LAMP1: variants seen among roughly 807,000 people sequenced by gnomAD.
LAMP1 encodes the protein lysosome associated membrane protein 1.
Under a neutral mutation model 37.5 loss-of-function variants are expected in LAMP1, and 7 were observed. The ratio of observed to expected loss-of-function variants is 0.19; its 90% CI spans 0.11 to 0.35. The LOEUF (loss-of-function observed/expected upper bound fraction) is 0.35, where lower values mean the gene tolerates loss of function less well. Among genes scored for constraint, LAMP1 ranks in the 10% least tolerant of loss-of-function variants. LAMP1 has a pLI of 1.00. For missense variants in LAMP1, 537 were observed against 552.8 expected, an observed-to-expected ratio of 0.97 and a Z score of 0.29; for synonymous variants, 236 against 229.1, an observed-to-expected ratio of 1.03 and a Z score of -0.27.
chr13:113,303,404 A>G (rs1050065357), intron 1 of LAMP1, among the ~76,000 whole-genome samples: 1 of 152,186 alleles, frequency 6.6e-6, no homozygotes, highest in Non-Finnish European at 1.5e-5. Context: ...ACTGCCGGAG[A>G]TAGCAGTCAC....
chr13:113,311,406 T>C (rs2042630446), intron 4 of LAMP1, among the ~76,000 whole-genome samples: 2 of 152,218 alleles, frequency 1.3e-5, no homozygotes, highest in Admixed American at 6.5e-5. Context: ...CGTATACAAT[T>C]ATTACTTGAA....
At chr13:113,317,831 G>A (rs993808660) in intron 4 of LAMP1, among the ~76,000 whole-genome samples, 1 of 152,004 alleles carries the variant, frequency 6.6e-6, no homozygotes, top group African/African-American at 2.4e-5. Context: ...GGACTAAGGC[G>A]CATGCCACCA....
intron 1 of LAMP1, among the ~76,000 whole-genome samples, chr13:113,300,501 A>G (rs1173556098): frequency 2.4e-4 from 36 of 150,252 alleles, no homozygotes; most frequent in Admixed American, 9.9e-4. Flanking sequence ...AAAAAAAAAA[A>G]AAAAGAAAAA....
chr13:113,317,219 C>G (rs1166946069), intron 4 of LAMP1, among the ~76,000 whole-genome samples: 1 of 152,144 alleles, frequency 6.6e-6, no homozygotes, highest in Non-Finnish European at 1.5e-5. Context: ...CCTCAGGTCT[C>G]CCCAGAGGCT....
chr13:113,315,502 C>T (rs2042658418), intron 4 of LAMP1, among the ~76,000 whole-genome samples: 1 of 147,512 alleles, frequency 6.8e-6, no homozygotes. Flanking sequence ...CGATTCTCCT[C>T]CCTCAGCCTC....
At chr13:113,313,982 T>C (rs1356525079) in intron 4 of LAMP1, among the ~76,000 whole-genome samples, 9 of 101,388 alleles carry the variant, frequency 8.9e-5, no homozygotes, top group South Asian at 3.8e-4. Context: ...CGTGGCCTCC[T>C]GGAGGGAACC....
chr13:113,321,211 A>C lies in LAMP1; in HGVS notation c.877-193A>C, dbSNP rs1271428752. On this transcript the variant is annotated intron_variant, in intron 6 of 8. Coordinates refer to ENST00000332556, the MANE Select transcript of LAMP1 (RefSeq NM_005561.4). This position sits in a 1 kb window ranked among gnomAD's most constrained non-coding sequence, Gnocchi z 5.6. The stretch of plus-strand genomic sequence containing the variant: ...CTGGAAGGAACTAACCAAAATTTTC[A>C]TTCCCCAGAGATACACAACGCCTTT... The C allele has an allele frequency of 1.7e-6, 1 of 595,130 alleles. No homozygotes were observed. 36.9% of individuals were successfully genotyped at this position (595,130 alleles called of 1,614,324 possible).
rs777432410 is a variant in LAMP1, at chr13:113,310,835, C to T, written c.530C>T (p.Ala177Val). 52 of 1,613,636 alleles carry T rather than the reference C, an allele frequency of 3.2e-5. No homozygotes were observed. The highest frequency in any genetic ancestry group is 4.1e-5 in the Non-Finnish European group (48 of 1,179,948). ...ACGCTCCATGATGCCACCATCCAGG[C>T]GTACCTTTCCAACAGCAGCTTCAGC... The part of the protein sequence containing the change: ...TVTLHDATIQ[A>V]YLSNSSFSRG... The change falls in exon 4 of 9, where the codon GCG (alanine) becomes GTG (valine). Residue 177 changes from alanine (A) to valine (V), a missense_variant. Coordinates refer to ENST00000332556, the MANE Select transcript of LAMP1 (RefSeq NM_005561.4).
chr13:113,322,295 G>T lies in LAMP1; in HGVS notation c.1128G>T (p.Leu376=), dbSNP rs2139378146. Reference sequence around the variant, plus strand: ...CTGTCTTGGCAGTGGAGGAGTGTCTGCTGGACGAGAACAGCATGCTGATCC... The same window carrying T: ...CTGTCTTGGCAGTGGAGGAGTGTCTTCTGGACGAGAACAGCATGCTGATCC... ...GGQFGSVEEC[L]LDENSMLIPI... Residue 376 remains leucine, a synonymous_variant, in exon 9 of 9, where the codon CTG becomes CTT. Coordinates refer to ENST00000332556, the MANE Select transcript of LAMP1 (RefSeq NM_005561.4). 1 of 1,612,750 alleles carries T rather than the reference G, an allele frequency of 6.2e-7. No homozygotes were observed. The highest frequency in any genetic ancestry group is 2.2e-5 in the East Asian group (1 of 44,858).
At position 113,321,499 on chromosome 13, in the gene LAMP1, G is replaced by A. The variant is rs760283280; in HGVS notation, c.943+29G>A. The A allele has an allele frequency of 1.2e-5, 19 of 1,610,954 alleles. No homozygotes were observed. The highest frequency in any genetic ancestry group is 3.3e-5 in the South Asian group (3 of 90,994). ...AGAACCCACAATCTCTGCGAGCCCC[G>A]CCCCCGCCCGCGCGCCCAGGGTATT... On this transcript the variant is annotated intron_variant, in intron 7 of 8. Coordinates refer to ENST00000332556, the MANE Select transcript of LAMP1 (RefSeq NM_005561.4). This position sits in a 1 kb window ranked among gnomAD's most constrained non-coding sequence, Gnocchi z 5.6.
Position 113,321,447 on chromosome 13 carries a change from A to G in LAMP1, c.920A>G (p.Asn307Ser). The G allele has an allele frequency of 6.2e-7, 1 of 1,614,162 alleles. No individual in the cohort carries two copies. Among genetic ancestry groups the G allele is most frequent in the South Asian group, 1.1e-5 (1 of 91,090 alleles). The change falls in exon 7 of 9, where the codon AAT becomes AGT. Residue 307 changes from asparagine to serine, a missense_variant. Transcript: ENST00000332556. The surrounding 1 kb of genome is among the most constrained non-coding windows in gnomAD (Gnocchi z 5.6). ...SRFFLQGIQL[N>S]TILPDARDPA... ...TTTTTCCTACAAGGAATCCAGTTGA[A>G]TACAATTCTTCCTGACGCCAGAGGT...
intron 1 of LAMP1, among the ~76,000 whole-genome samples, chr13:113,303,303 A>G (rs1273310247): frequency 2.0e-5 from 3 of 152,216 alleles, no homozygotes; most frequent in African/African-American, 7.2e-5. Context: ...TTCAGAGAAC[A>G]GAATTTCTCC....
At position 113,309,633 on chromosome 13, in the gene LAMP1, TTTATTC is replaced by T; in HGVS notation, c.184-8_184-3del. The T allele has an allele frequency of 7.5e-6, 12 of 1,599,692 alleles. No individual in the cohort carries two copies. The highest frequency in any genetic ancestry group is 1.0e-5 in the Non-Finnish European group (12 of 1,169,534). On this transcript the variant is annotated splice_region_variant and splice_polypyrimidine_tract_variant and intron_variant, in intron 2 of 8. Transcript: ENST00000332556. Reference sequence around the variant, plus strand: ...CCCAATTGGGTTACATTTAATTGTGTTTATTCTAGAACATGACCTTTGACCTGCCAT... The same window carrying T: ...CCCAATTGGGTTACATTTAATTGTGTTAGAACATGACCTTTGACCTGCCAT...
chr13:113,322,447 G>C lies in LAMP1; in HGVS notation c.*26G>C, dbSNP rs1381518148. On this transcript the variant is annotated 3_prime_UTR_variant, in exon 9 of 9. Coordinates refer to ENST00000332556, the MANE Select transcript of LAMP1 (RefSeq NM_005561.4). Reference sequence around the variant, plus strand: ...CCTGGTGCACGCAGGCACAGCAGCTGCAGGGGCCTCTGTTCCTTTCTCTGG... The same window carrying C: ...CCTGGTGCACGCAGGCACAGCAGCTCCAGGGGCCTCTGTTCCTTTCTCTGG... 4 of 1,591,180 alleles carry C rather than the reference G, an allele frequency of 2.5e-6. No individual in the cohort carries two copies. The South Asian group carries it at 4.5e-5, about 18-fold the overall frequency.
At position 113,322,376 on chromosome 13, in the gene LAMP1, C is replaced by CAG; in HGVS notation, c.1209_1210insAG (p.Leu404SerfsTer69). 1 of 1,604,134 alleles carries CAG rather than the reference C, an allele frequency of 6.2e-7. No individual in the cohort carries two copies. The highest frequency in any genetic ancestry group is 8.5e-7 in the Non-Finnish European group (1 of 1,174,728). ...TGGTCCTCATCGTCCTCATCGCCTA[C>CAG]CTCGTCGGCAGGAAGAGGAGTCACG... is the stretch of plus-strand genomic sequence containing the variant. On this transcript the variant is annotated frameshift_variant, in exon 9 of 9. Coordinates refer to ENST00000332556, the MANE Select transcript of LAMP1 (RefSeq NM_005561.4). LOFTEE classifies it high-confidence loss of function.
At chr13:113,315,673 G>T (rs1245904551) in intron 4 of LAMP1, among the ~76,000 whole-genome samples, 2 of 151,686 alleles carry the variant, frequency 1.3e-5, no homozygotes, top group Non-Finnish European at 2.9e-5. Context: ...GGCCCATCTT[G>T]CCTTTCAATA....
chr13:113,322,578 GTAAC>G lies in LAMP1; in HGVS notation c.*160_*163del, dbSNP rs1334734893. 1.1e-5 allele frequency: 6 copies of G among 563,654 alleles called. No individual in the cohort carries two copies. The highest frequency in any genetic ancestry group is 6.8e-5 in the East Asian group (2 of 29,210). 34.9% of individuals were successfully genotyped at this position (563,654 alleles called of 1,614,324 possible). On this transcript the variant is annotated 3_prime_UTR_variant, in exon 9 of 9. Coordinates refer to ENST00000332556, the MANE Select transcript of LAMP1 (RefSeq NM_005561.4). Reference sequence around the variant, plus strand: ...TGCAGCATTTACTATGCACAACAGAGTAACTATCGAAATGACGGTGTTAATTTTG... The same window carrying G: ...TGCAGCATTTACTATGCACAACAGAGTATCGAAATGACGGTGTTAATTTTG...
intron 1 of LAMP1, among the ~76,000 whole-genome samples, chr13:113,304,172 C>T (rs1595457551): frequency 2.0e-5 from 3 of 152,164 alleles, no homozygotes; most frequent in Non-Finnish European, 4.4e-5. Flanking sequence ...TGAAGTGCTT[C>T]GGGTCAGTGA....
In LAMP1 at chr13:113,319,492, C is replaced by G; in HGVS notation, c.586C>G (p.Pro196Ala). 9 of 1,613,130 alleles carry G rather than the reference C, an allele frequency of 5.6e-6. No individual in the cohort carries two copies. Among genetic ancestry groups the G allele is most frequent in the Non-Finnish European group, 7.6e-6 (9 of 1,179,524 alleles). Reference sequence around the variant, plus strand: ...AGAGACACGCTGTGAACAAGACAGGCCTTCCCCAACCACAGCGCCCCCTGC... The same window carrying G: ...AGAGACACGCTGTGAACAAGACAGGGCTTCCCCAACCACAGCGCCCCCTGC... Reference protein sequence around the residue: ...RGETRCEQDRPSPTTAPPAPP... With the variant: ...RGETRCEQDRASPTTAPPAPP... The change falls in exon 5 of 9, where the codon CCT becomes GCT. Residue 196 changes from proline (P) to alanine (A), a missense_variant. Transcript: ENST00000332556.
Sources: gnomAD v4.1 joint callset for allele counts (sites outside exome capture counted in the v4.1 genomes callset) on GRCh38, gnomAD v4.1.1 for gene constraint, Gnocchi (gnomAD v3.1) non-coding constraint, MANE v1.5 for transcripts, NCBI Gene and HGNC (gene_info 2026-07-23, HGNC 2026-07-21) for gene names.